Variants in SLIT3 observed in about 807,000 individuals in gnomAD.
The protein encoded by SLIT3 is slit guidance ligand 3, also known as slit homolog 3 protein.
Under a neutral mutation model 184.0 loss-of-function variants are expected in SLIT3, and 68 were observed. The observed-to-expected ratio is 0.37, with a 90% confidence interval of 0.30 to 0.45. SLIT3 has a LOEUF of 0.45. Among genes scored for constraint, SLIT3 ranks in the 20% least tolerant of loss-of-function variants. The pLI is 1.00. For synonymous variants in SLIT3, 831 were observed against 828.6 expected (o/e 1.00, Z -0.05); for missense variants, 1,707 against 2,026.0 (o/e 0.84, Z 3.02).
At chr5:168,975,472 G>C (rs1454197577) in intron 4 of SLIT3, among the ~76,000 whole-genome samples, 3 of 150,372 alleles carry the variant, frequency 2.0e-5, no homozygotes, top group East Asian at 1.9e-4. Context: ...CACACACACA[G>C]ACATCCACAT....
chr5:168,939,421 G>A (rs1762264371), intron 4 of SLIT3, among the ~76,000 whole-genome samples: 1 of 152,190 alleles, frequency 6.6e-6, no homozygotes, highest in Non-Finnish European at 1.5e-5. Context: ...CACTGCAGAA[G>A]TTTGGAATTT....
chr5:168,843,762 G>A (rs1321947441), intron 6 of SLIT3, among the ~76,000 whole-genome samples: 2 of 152,200 alleles, frequency 1.3e-5, no homozygotes, highest in Non-Finnish European at 1.5e-5. Context: ...GCTTTGGTGA[G>A]AATAACCAAA....
At chr5:169,246,963 G>A (rs1765614393) in intron 2 of SLIT3, among the ~76,000 whole-genome samples, 1 of 139,232 alleles carries the variant, frequency 7.2e-6, no homozygotes, top group Non-Finnish European at 1.5e-5. Flanking sequence ...GGGCACAGTG[G>A]CTCACGCCTG....
At chr5:168,769,667 C>T (rs1755475999) in intron 14 of SLIT3, among the ~76,000 whole-genome samples, 1 of 152,104 alleles carries the variant, frequency 6.6e-6, no homozygotes, top group South Asian at 2.1e-4. Flanking sequence ...TGATTAGGAC[C>T]CTGGTACAAG....
chr5:169,127,091 T>G (rs295984), intron 4 of SLIT3, among the ~76,000 whole-genome samples: 68 of 152,122 alleles, frequency 4.5e-4, no homozygotes, highest in African/African-American at 1.5e-3. Flanking sequence ...TCTTCTTCCA[T>G]CCCTACAAGG....
chr5:169,269,520 C>T (rs931604564), intron 1 of SLIT3, among the ~76,000 whole-genome samples: 10 of 152,274 alleles, frequency 6.6e-5, no homozygotes, highest in African/African-American at 1.2e-4. Flanking sequence ...ACTCTCCCAT[C>T]TGTAATACCC....
intron 4 of SLIT3, among the ~76,000 whole-genome samples, chr5:168,903,644 G>A (rs754094795): frequency 6.6e-6 from 1 of 152,120 alleles, no homozygotes; most frequent in Admixed American, 6.5e-5. Context: ...TGCTGTGCAT[G>A]CATGGCTGGA....
At position 169,263,164 on chromosome 5, in the gene SLIT3, G is replaced by T. The variant is rs114539544; in HGVS notation, c.198-11705C>A. On this transcript the variant is annotated intron_variant, in intron 1 of 35. Coordinates refer to ENST00000519560, the MANE Select transcript of SLIT3 (RefSeq NM_003062.4). The stretch of plus-strand genomic sequence containing the variant: ...GTTTGAGACCAGCCTGGGCAACATA[G>T]CAAGACCCTATTTCTACAAAAGAGA... Among the ~76,000 whole-genome samples the T allele has an allele frequency of 1.0e-3, 153 of 152,202 alleles. 2 individuals carry two copies. The highest frequency in any genetic ancestry group is 6.8e-3 in the Middle Eastern group (2 of 294).
At chr5:169,214,230 A>G (rs2113517872) in intron 3 of SLIT3, among the ~76,000 whole-genome samples, 2 of 152,356 alleles carry the variant, frequency 1.3e-5, no homozygotes, top group South Asian at 4.1e-4. Flanking sequence ...AAGTAAGTTG[A>G]CAACACCCGC....
intron 1 of SLIT3, among the ~76,000 whole-genome samples, chr5:169,256,583 C>T (rs1016089129): frequency 1.3e-5 from 2 of 152,176 alleles, no homozygotes; most frequent in South Asian, 2.1e-4. Context: ...TGTGTCTTAA[C>T]GCATGAAGTT....
chr5:168,910,798 A>G (rs931455436), intron 4 of SLIT3, among the ~76,000 whole-genome samples: 1 of 152,066 alleles, frequency 6.6e-6, no homozygotes, highest in Non-Finnish European at 1.5e-5. Context: ...GCAAAGTGAG[A>G]TGGTAATAAC....
At chr5:168,899,305 C>T (rs945631024) in intron 4 of SLIT3, among the ~76,000 whole-genome samples, 2 of 152,128 alleles carry the variant, frequency 1.3e-5, no homozygotes, top group Non-Finnish European at 2.9e-5. Context: ...CACTTGAGGT[C>T]AGAAGTTCAA....
intron 4 of SLIT3, among the ~76,000 whole-genome samples, chr5:169,186,578 G>A (rs1581031633): frequency 6.6e-6 from 1 of 152,124 alleles, no homozygotes; most frequent in African/African-American, 2.4e-5. Flanking sequence ...ACCAGAAGGT[G>A]GAATTCAAAC....
intron 4 of SLIT3, among the ~76,000 whole-genome samples, chr5:168,898,436 C>T (rs1760760953): frequency 6.7e-6 from 1 of 148,556 alleles, no homozygotes; most frequent in Non-Finnish European, 1.5e-5. Context: ...CCTCTCTTCT[C>T]TTAAAGCAGA....
rs1398969418 is a variant in SLIT3 at position 168,662,681 on chromosome 5, C to T, written c.*3773G>A. ...ACACTTTACAAAGAACTTTTAAATA[C>T]ATAATCTCATCGGCCATCGTACGGC... On this transcript the variant is annotated 3_prime_UTR_variant, in exon 36 of 36. Transcript: ENST00000519560. 1 of 152,234 alleles carries T rather than the reference C, an allele frequency of 6.6e-6. No individual in the cohort carries two copies. Among genetic ancestry groups the T allele is most frequent in the Non-Finnish European group, 1.5e-5 (1 of 68,054 alleles). 9.4% of individuals were successfully genotyped at this position (152,234 alleles called of 1,614,324 possible). A position where few individuals can be genotyped will look rare whatever the true frequency, so the allele number is the denominator to read the frequency against.
chr5:168,857,373 T>TTTTCG (rs143735267), intron 5 of SLIT3, among the ~76,000 whole-genome samples: 1 of 150,818 alleles, frequency 6.6e-6, no homozygotes, highest in Admixed American at 6.6e-5. Context: ...AGAGTTTTTG[T>TTTTCG]TTTTGTTTTG....
chr5:168,807,165 T>G (rs1756997917), intron 8 of SLIT3, among the ~76,000 whole-genome samples: 1 of 151,960 alleles, frequency 6.6e-6, no homozygotes, highest in Non-Finnish European at 1.5e-5. Flanking sequence ...GAAAAAAAGG[T>G]GAGTAAGTTA....
intron 4 of SLIT3, among the ~76,000 whole-genome samples, chr5:168,921,427 C>T (rs1474235190): frequency 6.6e-6 from 1 of 152,146 alleles, no homozygotes; most frequent in Non-Finnish European, 1.5e-5. Context: ...CTGTTGGCAA[C>T]ATTTTTACAA....
At chr5:169,167,957 T>C (rs1581010599) in intron 4 of SLIT3, among the ~76,000 whole-genome samples, 1 of 152,194 alleles carries the variant, frequency 6.6e-6, no homozygotes, top group African/African-American at 2.4e-5. Context: ...TGAAGGAAGG[T>C]ACACACATCT....
Sources: gnomAD v4.1 joint callset for allele counts (sites outside exome capture counted in the v4.1 genomes callset) on GRCh38, gnomAD v4.1.1 for gene constraint, MANE v1.5 for transcripts, NCBI Gene and HGNC (gene_info 2026-07-23, HGNC 2026-07-21) for gene names.